The following MBD5 variants were observed in gnomAD, a reference collection of about 807,000 sequenced individuals.
The protein encoded by MBD5 is methyl-CpG-binding domain protein 5.
MBD5 carries 13 observed loss-of-function variants against 117.3 expected under a neutral mutation model. The observed-to-expected ratio is 0.11, with a 90% CI of 0.07 to 0.18. MBD5 has a LOEUF of 0.18. Among genes scored for constraint, MBD5 ranks in the 10% least tolerant of loss-of-function variants. MBD5 has a pLI of 1.00. For missense variants in MBD5, 1,879 were observed against 2,093.8 expected (o/e 0.90, Z 2.00); for synonymous variants, 727 against 766.4 (o/e 0.95, Z 0.85).
chr2:148,461,932 T>A (rs1707095434), intron 5 of MBD5, among the ~76,000 whole-genome samples: 2 of 152,216 alleles, frequency 1.3e-5, no homozygotes, highest in Non-Finnish European at 2.9e-5. Context: ...CTCATAAGTT[T>A]CCTTTCTTTT....
At chr2:148,434,493 T>G (rs1239356391) in intron 4 of MBD5, among the ~76,000 whole-genome samples, 1 of 151,236 alleles carries the variant, frequency 6.6e-6, no homozygotes, top group African/African-American at 2.4e-5. Flanking sequence ...TTTTCCCACT[T>G]TTTGATTATT....
intron 4 of MBD5, among the ~76,000 whole-genome samples, chr2:148,426,376 G>A (rs1309004399): frequency 1.3e-5 from 2 of 152,054 alleles, no homozygotes; most frequent in African/African-American, 2.4e-5. Flanking sequence ...AAAGCTGGAG[G>A]CATCACACTA....
intron 1 of MBD5, among the ~76,000 whole-genome samples, chr2:148,034,975 C>A (rs1310446243): frequency 3.3e-5 from 5 of 152,000 alleles, no homozygotes; most frequent in African/African-American, 1.2e-4. Flanking sequence ...CAATATAGAA[C>A]CTTTAACGAG....
intron 2 of MBD5, among the ~76,000 whole-genome samples, chr2:148,212,309 T>A (rs1030904675): frequency 6.6e-6 from 1 of 152,214 alleles, no homozygotes; most frequent in Non-Finnish European, 1.5e-5. Context: ...ATTCTGGATG[T>A]TTCATTTAAG....
chr2:148,147,025 G>A (rs1005463520), intron 1 of MBD5, among the ~76,000 whole-genome samples: 2 of 151,842 alleles, frequency 1.3e-5, no homozygotes, highest in Non-Finnish European at 2.9e-5. Context: ...GACATTATTT[G>A]TATACTTTAA....
intron 1 of MBD5, among the ~76,000 whole-genome samples, chr2:148,121,455 A>G (rs186246178): frequency 8.5e-5 from 13 of 152,088 alleles, no homozygotes; most frequent in Middle Eastern, 3.4e-3. Flanking sequence ...CAGTAGTAAA[A>G]TATTCAAGCA....
intron 10 of MBD5, among the ~76,000 whole-genome samples, chr2:148,486,739 CA>C (rs1681352198): frequency 6.6e-6 from 1 of 152,104 alleles, no homozygotes; most frequent in Non-Finnish European, 1.5e-5. Context: ...ATGAAAATAA[CA>C]ATCAGAGTTA....
intron 3 of MBD5, among the ~76,000 whole-genome samples, chr2:148,294,851 T>G (rs2106449034): frequency 6.6e-6 from 1 of 152,320 alleles, no homozygotes; most frequent in East Asian, 1.9e-4. Context: ...TTTGTTTTCC[T>G]GTCAGCACTT....
intron 4 of MBD5, among the ~76,000 whole-genome samples, chr2:148,439,825 A>G: frequency 6.6e-6 from 1 of 151,670 alleles, no homozygotes; most frequent in Non-Finnish European, 1.5e-5. Context: ...TGCAACCTCA[A>G]ACTCCTGAGC....
chr2:148,308,919 C>A (rs1701962419), intron 3 of MBD5, among the ~76,000 whole-genome samples: 1 of 152,046 alleles, frequency 6.6e-6, no homozygotes, highest in Admixed American at 6.6e-5. Context: ...GAATCCTTTC[C>A]CCATTGCTTG....
In MBD5 at chr2:148,021,471, G is replaced by GCTGCTGCTGTTGCTGCTGCTGCTGCTA. The variant is rs1373757641; in HGVS notation, c.-1128_-1102dup. 2.4e-5 allele frequency: 14 copies of GCTGCTGCTGTTGCTGCTGCTGCTGCTA among 579,114 alleles called. No individual in the cohort carries two copies. Among genetic ancestry groups the GCTGCTGCTGTTGCTGCTGCTGCTGCTA allele is most frequent in the East Asian group, 4.5e-5 (1 of 22,404 alleles). 35.9% of individuals were successfully genotyped at this position (579,114 alleles called of 1,614,324 possible). On this transcript the variant is annotated 5_prime_UTR_variant, in exon 1 of 14. Transcript: ENST00000642680. ...ACCCTTTGCTGCTGCTGTTGCTGCT[G>GCTGCTGCTGTTGCTGCTGCTGCTGCTA]CTGCTGCTGTTGCTGCTGCTGCTGC...
intron 2 of MBD5, among the ~76,000 whole-genome samples, chr2:148,215,510 G>T (rs1051838064): frequency 6.6e-6 from 1 of 151,848 alleles, no homozygotes; most frequent in Admixed American, 6.6e-5. Flanking sequence ...GTTTGTTTTT[G>T]TTTTTGTTTT....
In MBD5 at chr2:148,469,326, C is replaced by A; in HGVS notation, c.1383C>A (p.Arg461=). ...GRIEASPQRS[R]SSSTSSDHGN... ...TTGAGGCATCGCCCCAAAGATCACG[C>A]TCATCTTCCACATCATCAGATCATG... Residue 461 remains arginine (R), a synonymous_variant, in exon 8 of 14, where the codon CGC becomes CGA. Coordinates refer to ENST00000642680, the MANE Select transcript of MBD5 (RefSeq NM_001378120.1). The A allele has an allele frequency of 6.2e-7, 1 of 1,613,798 alleles. No individual in the cohort carries two copies. The highest frequency in any genetic ancestry group is 8.5e-7 in the Non-Finnish European group (1 of 1,179,952).
chr2:148,315,531 AC>A (rs761806579), intron 3 of MBD5, among the ~76,000 whole-genome samples: 9 of 152,210 alleles, frequency 5.9e-5, no homozygotes, highest in Non-Finnish European at 1.3e-4. Flanking sequence ...CTTCCAGTGG[AC>A]CATGAGGTAT....
At chr2:148,302,106 A>G (rs556704503) in intron 3 of MBD5, among the ~76,000 whole-genome samples, 1 of 152,316 alleles carries the variant, frequency 6.6e-6, no homozygotes, top group Admixed American at 6.5e-5. Flanking sequence ...CCATGTGAAG[A>G]TATTTTTAAG....
chr2:148,268,671 A>G (rs1022139017), intron 3 of MBD5, among the ~76,000 whole-genome samples: 4 of 151,584 alleles, frequency 2.6e-5, no homozygotes, highest in Admixed American at 6.6e-5. Flanking sequence ...CTAATTTGCT[A>G]TGAGTATTTT....
chr2:148,205,133 G>C (rs1195473520), intron 2 of MBD5, among the ~76,000 whole-genome samples: 1 of 151,806 alleles, frequency 6.6e-6, no homozygotes, highest in African/African-American at 2.4e-5. Flanking sequence ...CTAGAGTGCA[G>C]TGGCGTAATC....
At chr2:148,094,183 T>G (rs1696007630) in intron 1 of MBD5, among the ~76,000 whole-genome samples, 1 of 152,186 alleles carries the variant, frequency 6.6e-6, no homozygotes, top group African/African-American at 2.4e-5. Flanking sequence ...TATTGTTACT[T>G]GTATGTTGAG....
At chr2:148,425,585 A>T (rs1705753057) in intron 4 of MBD5, among the ~76,000 whole-genome samples, 1 of 152,216 alleles carries the variant, frequency 6.6e-6, no homozygotes, top group South Asian at 2.1e-4. Context: ...CACAACAAAA[A>T]AAGAAAATTT....
Sources: allele counts gnomAD v4.1 joint callset (sites outside exome capture counted in the v4.1 genomes callset), GRCh38; gene constraint gnomAD v4.1.1; transcripts MANE v1.5; gene names NCBI Gene and HGNC (gene_info 2026-07-23, HGNC 2026-07-21).